Variants in ESRRG observed in about 807,000 individuals in gnomAD.
ESRRG encodes the protein estrogen-related receptor gamma.
Under a neutral mutation model 44.0 loss-of-function variants are expected in ESRRG, and 13 were observed. The ratio of observed to expected loss-of-function variants is 0.30; its 90% CI spans 0.19 to 0.47. The LOEUF is 0.47. ESRRG is among the 20% of genes least tolerant of loss of function. ESRRG has a pLI of 1.00. For missense variants in ESRRG, 395 were observed against 580.6 expected, an observed-to-expected ratio of 0.68 and a Z score of 3.29; for synonymous variants, 215 against 214.6, an observed-to-expected ratio of 1.00 and a Z score of -0.02.
chr1:216,515,735 A>T (rs1294430722), intron 6 of ESRRG, among the ~76,000 whole-genome samples: 1 of 152,096 alleles, frequency 6.6e-6, no homozygotes, highest in Non-Finnish European at 1.5e-5. Flanking sequence ...TAGGGGTGGC[A>T]AAGACTGTGA....
intron 2 of ESRRG, among the ~76,000 whole-genome samples, chr1:216,741,054 C>G (rs1015438554): frequency 2.6e-5 from 4 of 151,178 alleles, no homozygotes; most frequent in African/African-American, 9.7e-5. Flanking sequence ...CACAGTCCCC[C>G]CTCTCTCTTC....
At chr1:217,051,683 C>T (rs1433164173) in intron 1 of ESRRG, among the ~76,000 whole-genome samples, 1 of 152,134 alleles carries the variant, frequency 6.6e-6, no homozygotes, top group Admixed American at 6.5e-5. Flanking sequence ...TGGGTTATGG[C>T]CTGACCATGC....
rs77451339 is a variant in ESRRG, at chr1:216,541,212, C to T, written c.863-21791G>A. Among the ~76,000 whole-genome samples the T allele has an allele frequency of 5.8e-3, 880 of 152,054 alleles. 10 individuals carry two copies. The highest frequency in any genetic ancestry group is 0.024 in the Middle Eastern group (7 of 294). On this transcript the variant is annotated intron_variant, in intron 5 of 6. Transcript: ENST00000408911. ...TACTTGGCAGGAACAACCCAAAAGA[C>T]GGTTTCTGATTATGATCTTTTTCAT...
chr1:216,613,403 A>C (rs997037942), intron 3 of ESRRG, among the ~76,000 whole-genome samples: 1 of 152,176 alleles, frequency 6.6e-6, no homozygotes, highest in African/African-American at 2.4e-5. Flanking sequence ...TGTTTATTAC[A>C]ATTCTTCATG....
At chr1:217,011,590 C>T (rs188989387) in intron 1 of ESRRG, among the ~76,000 whole-genome samples, 6 of 150,988 alleles carry the variant, frequency 4.0e-5, no homozygotes, top group South Asian at 2.1e-4. Context: ...CTTCACTCCT[C>T]GTTTCAGTAG....
At chr1:216,604,963 C>T (rs1438611594) in intron 3 of ESRRG, among the ~76,000 whole-genome samples, 1 of 152,096 alleles carries the variant, frequency 6.6e-6, no homozygotes, top group Non-Finnish European at 1.5e-5. Flanking sequence ...GCTTCTTTGG[C>T]TCATTACCAG....
chr1:216,744,642 T>C (rs532437624), intron 2 of ESRRG, among the ~76,000 whole-genome samples: 29 of 152,342 alleles, frequency 1.9e-4, no homozygotes, highest in African/African-American at 6.3e-4. Context: ...ATAGGACTTA[T>C]AGAGGTTATT....
At chr1:217,012,732 G>T (rs899105491) in intron 1 of ESRRG, among the ~76,000 whole-genome samples, 1 of 152,170 alleles carries the variant, frequency 6.6e-6, no homozygotes, top group Non-Finnish European at 1.5e-5. Flanking sequence ...TTCATACACA[G>T]ACCAGTGAGC....
chr1:217,114,316 G>A (rs567923536), intron 1 of ESRRG, among the ~76,000 whole-genome samples: 1 of 151,840 alleles, frequency 6.6e-6, no homozygotes. Flanking sequence ...TGTACAGAGG[G>A]CAGTACCAGC....
At chr1:216,595,127 A>G (rs1262412621) in intron 3 of ESRRG, among the ~76,000 whole-genome samples, 1 of 152,242 alleles carries the variant, frequency 6.6e-6, no homozygotes, top group Non-Finnish European at 1.5e-5. Flanking sequence ...TTCTAGACAA[A>G]TGTTTGAAAA....
chr1:217,003,355 C>CT (rs2077294408), intron 1 of ESRRG, among the ~76,000 whole-genome samples: 1 of 151,940 alleles, frequency 6.6e-6, no homozygotes, highest in Non-Finnish European at 1.5e-5. Flanking sequence ...TAATACTTAG[C>CT]TTACACTGTT....
chr1:216,653,285 C>T (rs1487317208), intron 2 of ESRRG, among the ~76,000 whole-genome samples: 1 of 152,228 alleles, frequency 6.6e-6, no homozygotes, highest in African/African-American at 2.4e-5. Flanking sequence ...CCTCCCTGGG[C>T]TTTTTGCCTC....
intron 1 of ESRRG, among the ~76,000 whole-genome samples, chr1:216,943,342 C>T (rs530122431): frequency 5.3e-5 from 8 of 152,310 alleles, no homozygotes; most frequent in Admixed American, 3.9e-4. Context: ...CTACCATCAC[C>T]AGCAGCTGCC....
chr1:216,959,923 C>T (rs1266017087), intron 1 of ESRRG, among the ~76,000 whole-genome samples: 1 of 152,124 alleles, frequency 6.6e-6, no homozygotes, highest in African/African-American at 2.4e-5. Flanking sequence ...TTAAACCTCA[C>T]AAGAATTCCA....
chr1:217,039,497 C>G (rs1212694129), intron 1 of ESRRG, among the ~76,000 whole-genome samples: 1 of 152,158 alleles, frequency 6.6e-6, no homozygotes, highest in Admixed American at 6.5e-5. Flanking sequence ...AAAGAAAGAG[C>G]TTGTGCAGAG....
chr1:217,066,255 CTTT>C (rs68151743), intron 1 of ESRRG, among the ~76,000 whole-genome samples: 66 of 132,490 alleles, frequency 5.0e-4, no homozygotes, highest in Middle Eastern at 4.2e-3. Context: ...TTTTTCTTTT[CTTT>C]TTTTTTTTTT....
intron 2 of ESRRG, among the ~76,000 whole-genome samples, chr1:216,738,656 G>T (rs181441376): frequency 6.6e-6 from 1 of 152,098 alleles, no homozygotes; most frequent in African/African-American, 2.4e-5. Context: ...TTAAGTAGGG[G>T]AAAAGTATGA....
intron 5 of ESRRG, among the ~76,000 whole-genome samples, chr1:216,525,076 A>G (rs756130565): frequency 7.2e-5 from 11 of 152,212 alleles, no homozygotes; most frequent in Non-Finnish European, 1.6e-4. Flanking sequence ...TTCTTTAGCA[A>G]TTATTCCTGG....
chr1:217,121,469 A>C (rs1001770875), intron 1 of ESRRG, among the ~76,000 whole-genome samples: 2 of 152,206 alleles, frequency 1.3e-5, no homozygotes, highest in South Asian at 4.1e-4. Context: ...TACTGGAGAC[A>C]GGGTGACCAG....
Sources: gnomAD v4.1 joint callset for allele counts (sites outside exome capture counted in the v4.1 genomes callset) on GRCh38, gnomAD v4.1.1 for gene constraint, MANE v1.5 for transcripts, NCBI Gene and HGNC (gene_info 2026-07-23, HGNC 2026-07-21) for gene names.